The following GPC5 variants were observed in gnomAD, a reference collection of about 807,000 sequenced individuals.
GPC5 encodes the protein glypican 5.
In GPC5, 47 loss-of-function variants were observed where a neutral mutation model predicts 53.9. That is an observed-to-expected ratio of 0.87 (90% CI 0.69 to 1.11). The LOEUF (loss-of-function observed/expected upper bound fraction) is 1.11, where lower values mean the gene tolerates loss of function less well. GPC5 is among the 50% of genes most tolerant of loss of function. The pLI is 0.00. For missense variants in GPC5, 748 were observed against 713.1 expected (o/e 1.05, Z -0.56); for synonymous variants, 286 against 263.3 (o/e 1.09, Z -0.84).
chr13:92,618,504 G>A (rs1884771321), intron 7 of GPC5, among the ~76,000 whole-genome samples: 1 of 151,928 alleles, frequency 6.6e-6, no homozygotes, highest in Non-Finnish European at 1.5e-5. Flanking sequence ...TAAAAACACA[G>A]TAAGATACAC....
intron 7 of GPC5, among the ~76,000 whole-genome samples, chr13:92,365,857 T>C (rs537968676): frequency 6.6e-6 from 1 of 151,566 alleles, no homozygotes. Context: ...TTTGGAATAC[T>C]TCTTGAAGGA....
intron 6 of GPC5, among the ~76,000 whole-genome samples, chr13:92,015,145 G>A (rs74408404): frequency 6.6e-6 from 1 of 152,094 alleles, no homozygotes; most frequent in Non-Finnish European, 1.5e-5. Context: ...GTTTCCTCGG[G>A]GAAAGGGTTG....
Position 91,398,868 on chromosome 13 carries a change from T to G in GPC5, c.-179T>G. The G allele has an allele frequency of 1.5e-6, 1 of 662,118 alleles. No individual in the cohort carries two copies. Among genetic ancestry groups the G allele is most frequent in the South Asian group, 2.1e-5 (1 of 46,926 alleles). 41.0% of individuals were successfully genotyped at this position (662,118 alleles called of 1,614,324 possible). A position where few individuals can be genotyped will look rare whatever the true frequency, so the allele number is the denominator to read the frequency against. On this transcript the variant is annotated 5_prime_UTR_variant, in exon 1 of 8. Coordinates refer to ENST00000377067, the MANE Select transcript of GPC5 (RefSeq NM_004466.6). ...TCTGGTGTCTCAGCTTAGGGCCTCC[T>G]CCGGGAAGAGCTAACTGCTCCCAGG...
At chr13:92,812,747 T>A (rs1346924432) in intron 7 of GPC5, among the ~76,000 whole-genome samples, 1 of 151,918 alleles carries the variant, frequency 6.6e-6, no homozygotes, top group Non-Finnish European at 1.5e-5. Context: ...AGCTAAAAAA[T>A]GAATTCAGCA....
Position 91,485,647 on chromosome 13 carries a change from A to G in GPC5, c.325+36725A>G, listed in dbSNP as rs368631675. ...TGTGCTCTTTTTTTTCTTCCAGTTA[A>G]GATTTGTCAATCTTAAATAATGAGA... On this transcript the variant is annotated intron_variant, in intron 2 of 7. Coordinates refer to ENST00000377067, the MANE Select transcript of GPC5 (RefSeq NM_004466.6). 4.6e-5 allele frequency: 7 copies of G among 152,216 alleles called. No individual in the cohort carries two copies. In the East Asian group the frequency reaches 7.7e-4, roughly 17 times the overall value. The allele number at this position is 152,216 out of a possible 1,614,324, so 9.4% of individuals were successfully genotyped here.
chr13:92,066,968 G>A (rs2041172439), intron 6 of GPC5, among the ~76,000 whole-genome samples: 2 of 151,968 alleles, frequency 1.3e-5, no homozygotes, highest in Admixed American at 6.6e-5. Context: ...CACTGAGCTA[G>A]GTAAGCTTTT....
At chr13:92,587,659 G>A (rs561029540) in intron 7 of GPC5, among the ~76,000 whole-genome samples, 51 of 152,162 alleles carry the variant, frequency 3.4e-4, no homozygotes, top group Admixed American at 5.9e-4. Flanking sequence ...TAAAATTATT[G>A]AGCCTATGAT....
intron 7 of GPC5, among the ~76,000 whole-genome samples, chr13:92,642,880 G>A (rs1885638945): frequency 1.3e-5 from 2 of 152,174 alleles, no homozygotes; most frequent in Admixed American, 6.6e-5. Flanking sequence ...ACCAGGCCAA[G>A]GGACTTTATG....
chr13:92,731,563 T>C (rs1451906194), intron 7 of GPC5, among the ~76,000 whole-genome samples: 1 of 151,348 alleles, frequency 6.6e-6, no homozygotes, highest in East Asian at 1.9e-4. Context: ...GTGTTCAAAT[T>C]CAAGATATCA....
intron 7 of GPC5, among the ~76,000 whole-genome samples, chr13:92,703,564 TTAA>T (rs146458360): frequency 0.15 from 22,604 of 150,196 alleles, 1,779 homozygotes; most frequent in Admixed American, 0.18. Flanking sequence ...TAGAAAAGGG[TTAA>T]TATTATATAA....
intron 4 of GPC5, among the ~76,000 whole-genome samples, chr13:91,729,809 C>T (rs1011097271): frequency 2.6e-5 from 4 of 152,080 alleles, no homozygotes; most frequent in South Asian, 2.1e-4. Context: ...TGAAGTCCTT[C>T]GAGGTGTTGT....
At chr13:91,590,638 T>A (rs931187403) in intron 2 of GPC5, among the ~76,000 whole-genome samples, 1 of 152,182 alleles carries the variant, frequency 6.6e-6, no homozygotes, top group African/African-American at 2.4e-5. Context: ...TCTTGTTTGC[T>A]CAAGAACATT....
chr13:91,593,188 G>A (rs984952202), intron 2 of GPC5, among the ~76,000 whole-genome samples: 1 of 152,140 alleles, frequency 6.6e-6, no homozygotes, highest in Non-Finnish European at 1.5e-5. Flanking sequence ...AGCTGTTCAG[G>A]TCCTGGAACT....
At chr13:91,555,998 C>A (rs1043621150) in intron 2 of GPC5, among the ~76,000 whole-genome samples, 9 of 152,020 alleles carry the variant, frequency 5.9e-5, no homozygotes, top group African/African-American at 1.7e-4. Flanking sequence ...ATCACCAGCT[C>A]ATTGGAACAC....
chr13:91,410,091 C>G (rs2138935212), intron 1 of GPC5, among the ~76,000 whole-genome samples: 1 of 152,238 alleles, frequency 6.6e-6, no homozygotes, highest in South Asian at 2.1e-4. Flanking sequence ...CACTTACTAC[C>G]TATGTGACCT....
At chr13:92,866,200 CACTT>C in intron 7 of GPC5, 78 bp from the exon 8 acceptor site, 1 of 1,250,862 alleles carries the variant, frequency 8.0e-7, no homozygotes, top group Admixed American at 2.4e-5. Context: ...ATGCTGTCCA[CACTT>C]TGAGTTTAAG....
chr13:92,700,637 G>T (rs955272413), intron 7 of GPC5, among the ~76,000 whole-genome samples: 2 of 151,884 alleles, frequency 1.3e-5, no homozygotes, highest in Non-Finnish European at 2.9e-5. Flanking sequence ...ATTTTCTCTT[G>T]AAGTCAAGTC....
At chr13:91,508,172 TA>T (rs1594184754) in intron 2 of GPC5, among the ~76,000 whole-genome samples, 1 of 152,156 alleles carries the variant, frequency 6.6e-6, no homozygotes, top group South Asian at 2.1e-4. Flanking sequence ...ACAGCTCACA[TA>T]AAAAAAGGAA....
At chr13:92,840,098 T>C (rs1046278832) in intron 7 of GPC5, among the ~76,000 whole-genome samples, 1 of 77,866 alleles carries the variant, frequency 1.3e-5, no homozygotes, top group Non-Finnish European at 3.2e-5. Flanking sequence ...TATATATATA[T>C]ATATATATAT....
Sources: gnomAD v4.1 joint callset for allele counts (sites outside exome capture counted in the v4.1 genomes callset) on GRCh38, gnomAD v4.1.1 for gene constraint, MANE v1.5 for transcripts, NCBI Gene and HGNC (gene_info 2026-07-23, HGNC 2026-07-21) for gene names.